Variants in ZCWPW2 observed in about 807,000 individuals in gnomAD.
The protein encoded by ZCWPW2 is zinc finger CW-type and PWWP domain containing 2, also known as zinc finger CW-type PWWP domain protein 2.
Under a neutral mutation model 46.6 loss-of-function variants are expected in ZCWPW2, and 45 were observed. The observed-to-expected ratio is 0.96, with a 90% confidence interval of 0.76 to 1.24. The LOEUF is 1.24. ZCWPW2 is among the 50% of genes most tolerant of loss of function. The pLI, the probability that ZCWPW2 is intolerant of heterozygous loss-of-function variation, is 0.00. For synonymous variants in ZCWPW2, 152 were observed against 137.1 expected (o/e 1.11, Z -0.76); for missense variants, 429 against 403.9 (o/e 1.06, Z -0.53).
chr3:28,404,627 A>G (rs1177497615), intron 2 of ZCWPW2, among the ~76,000 whole-genome samples: 1 of 152,176 alleles, frequency 6.6e-6, no homozygotes, highest in Non-Finnish European at 1.5e-5. Context: ...ACCAACTCAA[A>G]TGCCCATCAA....
At chr3:28,441,702 G>T (rs1016479816) in intron 4 of ZCWPW2, among the ~76,000 whole-genome samples, 1 of 152,086 alleles carries the variant, frequency 6.6e-6, no homozygotes, top group Non-Finnish European at 1.5e-5. Flanking sequence ...GCTTGAGCCC[G>T]ATCACATGTA....
intron 4 of ZCWPW2, chr3:28,448,155 A>G (rs1335074726): frequency 5.5e-6 from 1 of 182,288 alleles, no homozygotes; most frequent in South Asian, 1.4e-4. Flanking sequence ...AAGAAGTAAA[A>G]TTATCTTTGT....
chr3:28,471,411 CA>C (rs1699036499), intron 4 of ZCWPW2, among the ~76,000 whole-genome samples: 1 of 152,126 alleles, frequency 6.6e-6, no homozygotes, highest in Non-Finnish European at 1.5e-5. Flanking sequence ...TCATTATGAT[CA>C]AGTGGGTTTT....
chr3:28,461,169 T>C, intron 4 of ZCWPW2: 1 of 160,514 alleles, frequency 6.2e-6, no homozygotes, highest in Non-Finnish European at 1.4e-5. Context: ...TTGAAGGTGC[T>C]TATATTTGCA....
intron 1 of ZCWPW2, among the ~76,000 whole-genome samples, chr3:28,369,463 G>C (rs1705236076): frequency 6.6e-6 from 1 of 152,160 alleles, no homozygotes. Flanking sequence ...GGAGGCTGCA[G>C]AACAGCAGAT....
At chr3:28,470,492 TAAA>T (rs751954217) in intron 4 of ZCWPW2, among the ~76,000 whole-genome samples, 3 of 87,652 alleles carry the variant, frequency 3.4e-5, no homozygotes, top group Non-Finnish European at 4.9e-5. Flanking sequence ...GACTCCGTCT[TAAA>T]AAAAAAAAAA....
At chr3:28,422,469 A>G (rs1248411299) in intron 3 of ZCWPW2, among the ~76,000 whole-genome samples, 2 of 152,180 alleles carry the variant, frequency 1.3e-5, no homozygotes, top group Admixed American at 6.6e-5. Flanking sequence ...TTGAGATTGT[A>G]TAGTATTTAG....
At chr3:28,522,628 A>G (rs866865286) in intron 9 of ZCWPW2, among the ~76,000 whole-genome samples, 1 of 152,226 alleles carries the variant, frequency 6.6e-6, no homozygotes, top group Non-Finnish European at 1.5e-5. Context: ...GGAGATTATT[A>G]TGCTAAAGGA....
At chr3:28,375,513 G>T (rs1705473922) in intron 1 of ZCWPW2, among the ~76,000 whole-genome samples, 1 of 151,852 alleles carries the variant, frequency 6.6e-6, no homozygotes, top group African/African-American at 2.4e-5. Context: ...AAACATTTTT[G>T]TGGGTACATA....
At chr3:28,407,122 T>A (rs1302825278) in intron 2 of ZCWPW2, among the ~76,000 whole-genome samples, 2 of 152,192 alleles carry the variant, frequency 1.3e-5, no homozygotes, top group Non-Finnish European at 2.9e-5. Context: ...CCATTGCACC[T>A]GGCGAGTTTC....
chr3:28,380,075 C>T (rs545059055), intron 1 of ZCWPW2, among the ~76,000 whole-genome samples: 17 of 152,130 alleles, frequency 1.1e-4, no homozygotes, highest in African/African-American at 2.7e-4. Context: ...CTCCTCCTCC[C>T]GGGTTCACAC....
At chr3:28,359,335 A>G (rs1025667881) in intron 1 of ZCWPW2, among the ~76,000 whole-genome samples, 9 of 152,090 alleles carry the variant, frequency 5.9e-5, no homozygotes, top group African/African-American at 2.2e-4. Context: ...TTTGGTCAAT[A>G]TTTTCTTATG....
intron 4 of ZCWPW2, among the ~76,000 whole-genome samples, chr3:28,451,251 T>A (rs1698213780): frequency 6.6e-6 from 1 of 152,184 alleles, no homozygotes; most frequent in African/African-American, 2.4e-5. Flanking sequence ...ACATAATATT[T>A]AAAGTCTAAC....
At chr3:28,522,481 T>C (rs966545952) in intron 9 of ZCWPW2, among the ~76,000 whole-genome samples, 21 of 152,294 alleles carry the variant, frequency 1.4e-4, no homozygotes, top group Admixed American at 1.3e-3. Context: ...GATTTATAAA[T>C]GGACAAAGGG....
intron 4 of ZCWPW2, among the ~76,000 whole-genome samples, chr3:28,475,077 C>G (rs1438861954): frequency 6.6e-6 from 1 of 152,036 alleles, no homozygotes; most frequent in Non-Finnish European, 1.5e-5. Context: ...CTCCTGAGCT[C>G]AGGCAACCTG....
intron 3 of ZCWPW2, among the ~76,000 whole-genome samples, chr3:28,423,522 A>G (rs916058307): frequency 6.6e-6 from 1 of 151,464 alleles, no homozygotes; most frequent in African/African-American, 2.4e-5. Flanking sequence ...GCCTGCTACC[A>G]CGCCCAGCTA....
chr3:28,356,016 A>G (rs1264552370), intron 1 of ZCWPW2, among the ~76,000 whole-genome samples: 2 of 152,234 alleles, frequency 1.3e-5, no homozygotes, highest in Non-Finnish European at 2.9e-5. Context: ...AATTAAACTA[A>G]AGAGCTTCTG....
intron 1 of ZCWPW2, among the ~76,000 whole-genome samples, chr3:28,361,173 G>A (rs1704926290): frequency 6.6e-6 from 1 of 152,064 alleles, no homozygotes. Flanking sequence ...CTGGCATAAA[G>A]ACAGACACAC....
At chr3:28,423,792 T>C (rs1696896199) in intron 3 of ZCWPW2, among the ~76,000 whole-genome samples, 1 of 152,162 alleles carries the variant, frequency 6.6e-6, no homozygotes, top group African/African-American at 2.4e-5. Flanking sequence ...TTCAACTTGC[T>C]GCACTTTCCA....
Sources: allele counts gnomAD v4.1 joint callset (sites outside exome capture counted in the v4.1 genomes callset), GRCh38; gene constraint gnomAD v4.1.1; transcripts MANE v1.5; gene names NCBI Gene and HGNC (gene_info 2026-07-23, HGNC 2026-07-21).